PTPRD: variants seen among roughly 807,000 people sequenced by gnomAD.
PTPRD encodes receptor-type tyrosine-protein phosphatase delta.
Under a neutral mutation model 214.5 loss-of-function variants are expected in PTPRD, and 34 were observed. The observed-to-expected ratio is 0.16, with a 90% confidence interval of 0.12 to 0.21. The LOEUF is 0.21. Ranked by LOEUF, PTPRD falls within the 10% of genes least tolerant of loss-of-function variation. The pLI is 1.00. For missense variants in PTPRD, 2,545 were observed against 2,398.7 expected, an observed-to-expected ratio of 1.06 and a Z score of -1.27; for synonymous variants, 1,128 against 845.7, an observed-to-expected ratio of 1.33 and a Z score of -5.79.
intron 11 of PTPRD, among the ~76,000 whole-genome samples, chr9:8,942,684 A>G (rs1262159290): frequency 3.3e-5 from 5 of 152,168 alleles, no homozygotes; most frequent in Admixed American, 6.6e-5. Context: ...AAGGGAAGAA[A>G]AAAACATCAG....
chr9:8,448,675 A>T (rs1240295334), intron 34 of PTPRD, among the ~76,000 whole-genome samples: 1 of 152,188 alleles, frequency 6.6e-6, no homozygotes, highest in Non-Finnish European at 1.5e-5. Context: ...AATGCTAAAC[A>T]TTTCTTTCAA....
chr9:10,206,149 C>T (rs992151147), intron 3 of PTPRD, among the ~76,000 whole-genome samples: 2 of 151,316 alleles, frequency 1.3e-5, no homozygotes, highest in Non-Finnish European at 2.9e-5. Context: ...GTAGATAAGA[C>T]CAGAACAGCA....
intron 9 of PTPRD, among the ~76,000 whole-genome samples, chr9:9,238,221 G>T (rs1234841793): frequency 6.6e-6 from 1 of 151,942 alleles, no homozygotes; most frequent in Admixed American, 6.6e-5. Flanking sequence ...TTTCTCTCAG[G>T]TCTGAAGCTC....
intron 12 of PTPRD, among the ~76,000 whole-genome samples, chr9:8,709,040 G>C (rs370543643): frequency 6.6e-6 from 1 of 151,836 alleles, no homozygotes; most frequent in Non-Finnish European, 1.5e-5. Flanking sequence ...TATGGGATCT[G>C]AAAAACTGAT....
intron 3 of PTPRD, among the ~76,000 whole-genome samples, chr9:10,334,519 T>A (rs149637420): frequency 6.7e-6 from 1 of 148,322 alleles, no homozygotes; most frequent in Non-Finnish European, 1.5e-5. Flanking sequence ...AGCAACAATA[T>A]TCCCTCTCAA....
At chr9:9,590,903 T>C (rs562875668) in intron 7 of PTPRD, among the ~76,000 whole-genome samples, 11 of 152,182 alleles carry the variant, frequency 7.2e-5, no homozygotes, top group Admixed American at 5.9e-4. Flanking sequence ...TTGGGTATTA[T>C]CGTGTTTTGG....
chr9:9,745,990 A>G (rs549437840), intron 6 of PTPRD, among the ~76,000 whole-genome samples: 18 of 152,256 alleles, frequency 1.2e-4, no homozygotes, highest in African/African-American at 4.1e-4. Flanking sequence ...ATGGGGAAAA[A>G]AAGAACTCAA....
Position 9,164,952 on chromosome 9 carries a change from C to T in PTPRD, c.-143+18352G>A, listed in dbSNP as rs549562134. On this transcript the variant is annotated intron_variant, in intron 10 of 45. Coordinates refer to ENST00000381196, the MANE Select transcript of PTPRD (RefSeq NM_002839.4). ...CCTGTAATCCCAGCTACTTGGGAGGCTGACGTAGGAGAATCGCTTAACCCA... is the reference window on the plus strand; with the variant it reads ...CCTGTAATCCCAGCTACTTGGGAGGTTGACGTAGGAGAATCGCTTAACCCA... 5.3e-5 allele frequency among the ~76,000 whole-genome samples: 8 copies of T among 151,512 alleles called. No individual in the cohort carries two copies. In the South Asian group the frequency reaches 1.7e-3, roughly 32 times the overall value.
chr9:9,857,948 A>G lies in PTPRD; in HGVS notation c.-368+80559T>C, dbSNP rs564922448. 9.8e-5 allele frequency among the ~76,000 whole-genome samples: 15 copies of G among 152,348 alleles called. No individual in the cohort carries two copies. In the South Asian group the frequency reaches 3.1e-3, roughly 32 times the overall value. On this transcript the variant is annotated intron_variant, in intron 5 of 45. Transcript: ENST00000381196. ...AAATGAAAAAAATTCAAATGGAAAG[A>G]AATAATTTTAAGTGAGTGAAAAGTG...
intron 3 of PTPRD, among the ~76,000 whole-genome samples, chr9:10,260,326 C>T (rs150857996): frequency 1.1e-4 from 17 of 152,268 alleles, no homozygotes; most frequent in African/African-American, 4.1e-4. Context: ...TGTTAAATTT[C>T]ACAGTCTTGT....
At chr9:10,533,102 G>C (rs1386314775) in intron 2 of PTPRD, among the ~76,000 whole-genome samples, 1 of 151,980 alleles carries the variant, frequency 6.6e-6, no homozygotes, top group Admixed American at 6.6e-5. Context: ...TGGCATCCTG[G>C]GTTTTTCTCT....
intron 10 of PTPRD, among the ~76,000 whole-genome samples, chr9:9,037,652 C>A (rs930960341): frequency 1.3e-5 from 2 of 152,192 alleles, no homozygotes; most frequent in African/African-American, 4.8e-5. Flanking sequence ...TGGAATGATT[C>A]TCTTTGTCTT....
chr9:9,576,982 G>T (rs912848351), intron 7 of PTPRD, among the ~76,000 whole-genome samples: 16 of 151,986 alleles, frequency 1.1e-4, no homozygotes, highest in Non-Finnish European at 2.1e-4. Flanking sequence ...TGAATATTTT[G>T]ATATTAACAA....
intron 3 of PTPRD, among the ~76,000 whole-genome samples, chr9:10,289,780 T>A (rs982164636): frequency 3.3e-5 from 5 of 152,142 alleles, no homozygotes; most frequent in Non-Finnish European, 7.4e-5. Flanking sequence ...ATATGAGGTT[T>A]AAAATATAGT....
intron 8 of PTPRD, among the ~76,000 whole-genome samples, chr9:9,400,330 G>T (rs1196546284): frequency 6.6e-6 from 1 of 151,832 alleles, no homozygotes. Flanking sequence ...TCCCCAGAGA[G>T]AAATATAAAG....
chr9:9,039,643 C>A (rs927575670), intron 10 of PTPRD, among the ~76,000 whole-genome samples: 3 of 152,158 alleles, frequency 2.0e-5, no homozygotes, highest in African/African-American at 4.8e-5. Flanking sequence ...TACTATCTGT[C>A]CCTTTACAGA....
intron 7 of PTPRD, among the ~76,000 whole-genome samples, chr9:9,638,999 C>T (rs2095855520): frequency 6.6e-6 from 1 of 152,182 alleles, no homozygotes; most frequent in Non-Finnish European, 1.5e-5. Flanking sequence ...ATCACCAAAA[C>T]ACCTCCCAAA....
intron 8 of PTPRD, among the ~76,000 whole-genome samples, chr9:9,460,163 C>T (rs923674202): frequency 6.6e-6 from 1 of 151,684 alleles, no homozygotes. Context: ...GTGAAATGAC[C>T]CCTATTTCTC....
intron 12 of PTPRD, among the ~76,000 whole-genome samples, chr9:8,677,499 CAA>C (rs1197834706): frequency 6.6e-6 from 1 of 152,028 alleles, no homozygotes; most frequent in African/African-American, 2.4e-5. Flanking sequence ...AAGAAGGAAA[CAA>C]GAGACAACAG....
Sources: gnomAD v4.1 joint callset for allele counts (sites outside exome capture counted in the v4.1 genomes callset) on GRCh38, gnomAD v4.1.1 for gene constraint, MANE v1.5 for transcripts, NCBI Gene and HGNC (gene_info 2026-07-23, HGNC 2026-07-21) for gene names.